The following BAIAP2L1 variants were observed in gnomAD, a reference collection of about 807,000 sequenced individuals.
The protein encoded by BAIAP2L1 is BAR/IMD domain-containing adapter protein 2-like 1.
A neutral mutation model predicts 66.3 loss-of-function variants in BAIAP2L1; 35 were observed. The ratio of observed to expected loss-of-function variants is 0.53; its 90% CI spans 0.40 to 0.70. The LOEUF (loss-of-function observed/expected upper bound fraction) is 0.70. Among genes scored for constraint, BAIAP2L1 ranks in the 30% least tolerant of loss-of-function variants. The pLI is 0.00. For missense variants in BAIAP2L1, 622 were observed against 656.9 expected (o/e 0.95, Z 0.58); for synonymous variants, 269 against 248.7 (o/e 1.08, Z -0.77).
At chr7:98,345,735 T>G (rs1312027688) in intron 3 of BAIAP2L1, among the ~76,000 whole-genome samples, 1 of 150,236 alleles carries the variant, frequency 6.7e-6, no homozygotes, top group Non-Finnish European at 1.5e-5. Flanking sequence ...TTAAAAAAAA[T>G]TAATTTAAAA....
At chr7:98,349,490 C>T (rs1245883389) in intron 3 of BAIAP2L1, among the ~76,000 whole-genome samples, 2 of 152,126 alleles carry the variant, frequency 1.3e-5, no homozygotes, top group Non-Finnish European at 2.9e-5. Flanking sequence ...CCCAGTGAAA[C>T]CACCATTTCC....
intron 3 of BAIAP2L1, among the ~76,000 whole-genome samples, chr7:98,347,327 G>A (rs544787831): frequency 1.3e-5 from 2 of 152,206 alleles, no homozygotes; most frequent in South Asian, 2.1e-4. Context: ...CAGTGAGTGC[G>A]TTTTTAACAA....
At chr7:98,298,324 CATT>C (rs1192454303) in intron 12 of BAIAP2L1, among the ~76,000 whole-genome samples, 4 of 149,340 alleles carry the variant, frequency 2.7e-5, no homozygotes, top group East Asian at 4.1e-4. Context: ...TTTTAAAAAA[CATT>C]AGGGGCTGGG....
At chr7:98,328,092 A>G (rs1460255293) in intron 3 of BAIAP2L1, among the ~76,000 whole-genome samples, 1 of 151,832 alleles carries the variant, frequency 6.6e-6, no homozygotes, top group Non-Finnish European at 1.5e-5. Context: ...TAAGTCTAGA[A>G]TGGATTGCTC....
rs768829611 is a variant in BAIAP2L1, at chr7:98,304,225, G to C, written c.1393C>G (p.Pro465Ala). 1 of 1,610,050 alleles carries C rather than the reference G, an allele frequency of 6.2e-7. No homozygotes were observed. Among genetic ancestry groups the C allele is most frequent in the Admixed American group, 1.7e-5 (1 of 59,188 alleles). ...SARTTSTFKA[P>A]ASKPETAAPN... ...GCCGCGGTCTCGGGCTTGGACGCTGGGGCCTTAAAGGTGGATGTCGTCCTG... is the reference window on the plus strand; with the variant it reads ...GCCGCGGTCTCGGGCTTGGACGCTGCGGCCTTAAAGGTGGATGTCGTCCTG... Residue 465 changes from proline to alanine, a missense_variant, in exon 12 of 14, where the codon CCA becomes GCA. Pro to Ala is a conservative substitution (Grantham distance 27, BLOSUM62 -1). Coordinates refer to ENST00000005260, the MANE Select transcript of BAIAP2L1 (RefSeq NM_018842.5).
chr7:98,386,333 G>C (rs1189422607), intron 1 of BAIAP2L1: 5 of 1,594,146 alleles, frequency 3.1e-6, no homozygotes, highest in Middle Eastern at 1.8e-4. Flanking sequence ...TAATCAGCCT[G>C]AATTTTCTAA....
At chr7:98,310,300 T>TGCAAA (rs1177849602) in intron 9 of BAIAP2L1, 145 bp downstream of exon 9, 4 of 837,334 alleles carry the variant, frequency 4.8e-6, no homozygotes, top group Non-Finnish European at 7.2e-6. Context: ...ACTCACGCTC[T>TGCAAA]GCAAAGCCAG....
intron 3 of BAIAP2L1, among the ~76,000 whole-genome samples, chr7:98,335,152 CAAAAAAAA>C (rs59557441): frequency 2.2e-4 from 12 of 54,702 alleles, no homozygotes; most frequent in Admixed American, 5.4e-4. Flanking sequence ...GACTCCATCT[CAAAAAAAA>C]AAAAAAAAAA....
chr7:98,310,723 G>T, intron 8 of BAIAP2L1, 131 bp from the exon 9 acceptor site: 1 of 723,706 alleles, frequency 1.4e-6, no homozygotes, highest in Non-Finnish European at 2.0e-6. Context: ...GTCTCGCTGT[G>T]TTGCCCAGGC....
At chr7:98,297,426 GGCCC>G in intron 12 of BAIAP2L1, among the ~76,000 whole-genome samples, 1 of 152,200 alleles carries the variant, frequency 6.6e-6, no homozygotes, top group East Asian at 1.9e-4. Context: ...GAATGCTGGT[GGCCC>G]TCACTGCAGA....
chr7:98,337,220 T>C (rs1355885397), intron 3 of BAIAP2L1, among the ~76,000 whole-genome samples: 1 of 151,334 alleles, frequency 6.6e-6, no homozygotes, highest in Non-Finnish European at 1.5e-5. Context: ...GACCCAATTC[T>C]GGTTTTCAGA....
intron 1 of BAIAP2L1, among the ~76,000 whole-genome samples, chr7:98,374,879 G>A (rs1304926305): frequency 1.3e-5 from 2 of 151,628 alleles, no homozygotes; most frequent in Admixed American, 6.6e-5. Flanking sequence ...TGAGGTCAGG[G>A]GTTCAAGACC....
At chr7:98,392,951 C>A (rs199576175) in intron 1 of BAIAP2L1, among the ~76,000 whole-genome samples, 1 of 87,070 alleles carries the variant, frequency 1.1e-5, no homozygotes, top group South Asian at 3.7e-4. Flanking sequence ...CGCCACCACG[C>A]CCAGCTGATT....
chr7:98,319,641 G>A (rs901022058), intron 5 of BAIAP2L1, among the ~76,000 whole-genome samples: 4 of 149,430 alleles, frequency 2.7e-5, no homozygotes, highest in Non-Finnish European at 4.4e-5. Context: ...CCGCCTCCCC[G>A]GTTCAAGCCA....
At chr7:98,382,935 G>T (rs753310694) in intron 1 of BAIAP2L1, among the ~76,000 whole-genome samples, 1 of 152,126 alleles carries the variant, frequency 6.6e-6, no homozygotes, top group Non-Finnish European at 1.5e-5. Flanking sequence ...TTATTTGAAA[G>T]AATGAAACCT....
intron 11 of BAIAP2L1, among the ~76,000 whole-genome samples, chr7:98,304,783 A>G (rs1800574420): frequency 6.6e-6 from 1 of 151,804 alleles, no homozygotes; most frequent in South Asian, 2.1e-4. Context: ...TCCTGACCTC[A>G]GCTGGGATTA....
At chr7:98,398,801 A>G (rs898841650) in intron 1 of BAIAP2L1, among the ~76,000 whole-genome samples, 9 of 152,180 alleles carry the variant, frequency 5.9e-5, no homozygotes, top group Non-Finnish European at 1.0e-4. Flanking sequence ...GGAGAAAAAA[A>G]GCAGGGTTTA....
intron 3 of BAIAP2L1, among the ~76,000 whole-genome samples, chr7:98,349,484 G>A (rs1801952611): frequency 1.3e-5 from 2 of 152,266 alleles, no homozygotes; most frequent in African/African-American, 4.8e-5. Context: ...TGGAACCCCA[G>A]TGAAACCACC....
At chr7:98,309,846 GCAGA>G (rs1159089167) in intron 9 of BAIAP2L1, 14 of 152,098 alleles carry the variant, frequency 9.2e-5, no homozygotes, top group African/African-American at 2.5e-4. Flanking sequence ...GGCAACATCT[GCAGA>G]CAGTCACTGG....
Sources: gnomAD v4.1 joint callset for allele counts (sites outside exome capture counted in the v4.1 genomes callset) on GRCh38, gnomAD v4.1.1 for gene constraint, MANE v1.5 for transcripts, NCBI Gene and HGNC (gene_info 2026-07-23, HGNC 2026-07-21) for gene names.